Variants in FAM13B observed in about 807,000 individuals in gnomAD.
FAM13B encodes the protein family with sequence similarity 13 member B.
In FAM13B, 60 loss-of-function variants were observed where a neutral mutation model predicts 117.3. That is an observed-to-expected ratio of 0.51 (90% CI 0.42 to 0.63). The LOEUF (loss-of-function observed/expected upper bound fraction) is 0.63. FAM13B is among the 30% of genes least tolerant of loss of function. The pLI is 0.00. For synonymous variants in FAM13B, 332 were observed against 356.1 expected, an observed-to-expected ratio of 0.93 and a Z score of 0.76; for missense variants, 972 against 1,091.9, an observed-to-expected ratio of 0.89 and a Z score of 1.55.
chr5:137,953,520 C>T (rs1334615809), intron 15 of FAM13B, 55 bp from the exon 16 acceptor site: 4 of 1,572,826 alleles, frequency 2.5e-6, no homozygotes, highest in Non-Finnish European at 3.5e-6. Context: ...AACACTGTAT[C>T]TCTTATTGCC....
chr5:138,019,178 T>C (rs756942639), intron 2 of FAM13B, 32 bp from the exon 3 acceptor site: 25 of 1,569,932 alleles, frequency 1.6e-5, no homozygotes, highest in Non-Finnish European at 2.0e-5. Context: ...AAAAAGACTA[T>C]AATGATTAAC....
rs536726358 is a variant in FAM13B at position 137,951,296 on chromosome 5, CTCTG to C, written c.1930+1328_1930+1331del. On this transcript the variant is annotated intron_variant, in intron 17 of 23. Transcript: ENST00000689681. ...AATATAAACTCCATGACAGCAGGGA[CTCTG>C]TCTGTCTTGTTCACTGCTATATCCC... 6.5e-4 allele frequency among the ~76,000 whole-genome samples: 97 copies of C among 150,142 alleles called. 1 individual carries two copies. The highest frequency in any genetic ancestry group is 7.9e-4 in the East Asian group (4 of 5,090).
At chr5:138,043,446 T>C (rs1267801234) in intron 1 of FAM13B, among the ~76,000 whole-genome samples, 6 of 150,228 alleles carry the variant, frequency 4.0e-5, no homozygotes, top group East Asian at 1.9e-4. Flanking sequence ...TTCTTTCTTT[T>C]TTTTTTTTTT....
At chr5:137,983,958 C>T (rs1776521394) in intron 10 of FAM13B, among the ~76,000 whole-genome samples, 1 of 152,082 alleles carries the variant, frequency 6.6e-6, no homozygotes, top group Non-Finnish European at 1.5e-5. Context: ...GGAAACCCAC[C>T]TTATCTATTA....
intron 10 of FAM13B, among the ~76,000 whole-genome samples, chr5:137,964,180 C>T (rs546414183): frequency 3.7e-4 from 57 of 152,262 alleles, no homozygotes; most frequent in African/African-American, 1.3e-3. Context: ...GCCTCAGCCT[C>T]CCGAGTAGCT....
At chr5:138,003,465 CA>C (rs1367082460) in intron 7 of FAM13B, among the ~76,000 whole-genome samples, 1 of 151,970 alleles carries the variant, frequency 6.6e-6, no homozygotes, top group East Asian at 1.9e-4. Flanking sequence ...CTTTATCAGC[CA>C]AAACTAAAAT....
intron 10 of FAM13B, among the ~76,000 whole-genome samples, chr5:137,980,151 C>T (rs904350224): frequency 4.2e-5 from 6 of 144,264 alleles, no homozygotes; most frequent in South Asian, 4.3e-4. Context: ...CTAGCCGGGG[C>T]GACAAGAATG....
At chr5:138,038,148 G>A (rs1256440360) in intron 1 of FAM13B, among the ~76,000 whole-genome samples, 1 of 152,086 alleles carries the variant, frequency 6.6e-6, no homozygotes, top group Non-Finnish European at 1.5e-5. Context: ...TTTCTTGACA[G>A]AAATTGCCAA....
chr5:137,952,186 A>G (rs1004077447), intron 17 of FAM13B, among the ~76,000 whole-genome samples: 6 of 152,198 alleles, frequency 3.9e-5, no homozygotes, highest in Non-Finnish European at 8.8e-5. Flanking sequence ...TTTATCATTC[A>G]AGAGTTACAA....
chr5:137,962,512 A>C, intron 10 of FAM13B, 43 bp from the exon 11 acceptor site: 2 of 1,561,176 alleles, frequency 1.3e-6, no homozygotes, highest in Non-Finnish European at 1.7e-6. Context: ...AGCTCCCAAT[A>C]CTCAGATAAG....
intron 10 of FAM13B, among the ~76,000 whole-genome samples, chr5:137,972,272 G>C (rs1437460798): frequency 6.7e-6 from 1 of 149,352 alleles, no homozygotes; most frequent in Non-Finnish European, 1.5e-5. Flanking sequence ...CCATGATCAA[G>C]TGGGCTTCAT....
At chr5:137,946,101 C>A (rs1021923013) in intron 19 of FAM13B, 104 bp from the exon 20 acceptor site, 87 of 1,235,484 alleles carry the variant, frequency 7.0e-5, no homozygotes, top group Admixed American at 2.0e-5. Flanking sequence ...ATATTAAATA[C>A]ATAGGCAATC....
At position 137,953,385 on chromosome 5, in the gene FAM13B, T is replaced by C; in HGVS notation, c.1799A>G (p.Lys600Arg). The stretch of plus-strand genomic sequence containing the variant: ...CTGTTCCTCAAATTGTCTGATTTTC[T>C]TCTGAAGTTTCTTGACCAGCTGATA... ...TPYQLVKKLQ[K>R]KIRQFEEQFE... is the part of the protein sequence containing the mutation. Residue 600 changes from lysine to arginine, a missense_variant, in exon 16 of 24, where the codon AAG becomes AGG. By Grantham distance (26) the Lys-to-Arg change is conservative (BLOSUM62 2). Transcript: ENST00000689681. The C allele has an allele frequency of 1.2e-6, 2 of 1,614,018 alleles. No homozygotes were observed. Among genetic ancestry groups the C allele is most frequent in the Non-Finnish European group, 1.7e-6 (2 of 1,179,906 alleles).
intron 1 of FAM13B, among the ~76,000 whole-genome samples, chr5:138,049,355 C>A (rs1407222755): frequency 1.3e-5 from 2 of 152,136 alleles, no homozygotes; most frequent in Non-Finnish European, 2.9e-5. Context: ...CTCACTACAA[C>A]CTCTGCCTCC....
chr5:137,953,870 C>A (rs1415018578), intron 15 of FAM13B, among the ~76,000 whole-genome samples: 1 of 152,124 alleles, frequency 6.6e-6, no homozygotes, highest in Non-Finnish European at 1.5e-5. Flanking sequence ...GCGATGAATA[C>A]ATAAATAAAT....
chr5:138,021,099 T>C lies in FAM13B; in HGVS notation c.-104A>G. 8.1e-7 allele frequency: 1 copy of C among 1,231,676 alleles called. No individual in the cohort carries two copies. The highest frequency in any genetic ancestry group is 1.0e-6 in the Non-Finnish European group (1 of 987,942). 76.3% of individuals were successfully genotyped at this position (1,231,676 alleles called of 1,614,324 possible). ...CCAGCTACCCTCACTGAGCAAGCATTCTTTTGTCATTTATGGCTGTTTGAG... is the reference window on the plus strand; with the variant it reads ...CCAGCTACCCTCACTGAGCAAGCATCCTTTTGTCATTTATGGCTGTTTGAG... On this transcript the variant is annotated 5_prime_UTR_variant, in exon 2 of 24. Transcript: ENST00000689681.
chr5:137,958,968 A>G (rs535446479), intron 13 of FAM13B, among the ~76,000 whole-genome samples: 1 of 152,224 alleles, frequency 6.6e-6, no homozygotes, highest in Non-Finnish European at 1.5e-5. Flanking sequence ...GCATTTGTTT[A>G]CAGTTTTTTA....
intron 10 of FAM13B, among the ~76,000 whole-genome samples, chr5:137,983,607 C>T (rs1265807809): frequency 2.6e-5 from 4 of 152,074 alleles, no homozygotes; most frequent in Non-Finnish European, 5.9e-5. Context: ...ACTGATAATC[C>T]AGGAAAGGGC....
upstream of FAM13B, among the ~76,000 whole-genome samples, chr5:138,038,019 A>G (rs557926207): frequency 7.9e-5 from 12 of 152,350 alleles, no homozygotes; most frequent in Middle Eastern, 3.4e-3. Flanking sequence ...TTTATTAGCC[A>G]TATACAATTT....
Sources: allele counts gnomAD v4.1 joint callset (sites outside exome capture counted in the v4.1 genomes callset), GRCh38; gene constraint gnomAD v4.1.1; transcripts MANE v1.5; gene names NCBI Gene and HGNC (gene_info 2026-07-23, HGNC 2026-07-21).